Variants in KAZN observed in about 807,000 individuals in gnomAD.
KAZN encodes the protein kazrin, periplakin interacting protein.
Under a neutral mutation model 87.4 loss-of-function variants are expected in KAZN, and 40 were observed. That is an observed-to-expected ratio of 0.46 (90% CI 0.36 to 0.60). The LOEUF (loss-of-function observed/expected upper bound fraction) is 0.60. Among genes scored for constraint, KAZN ranks in the 20% least tolerant of loss-of-function variants. KAZN has a pLI of 0.00. For synonymous variants in KAZN, 466 were observed against 458.3 expected, an observed-to-expected ratio of 1.02 and a Z score of -0.22; for missense variants, 898 against 1,073.9, an observed-to-expected ratio of 0.84 and a Z score of 2.29.
chr1:14,897,073 C>T lies in KAZN; in HGVS notation c.227-63611C>T, dbSNP rs114651291. 6.2e-3 allele frequency among the ~76,000 whole-genome samples: 951 copies of T among 152,312 alleles called. 6 individuals are homozygous for T. The highest frequency in any genetic ancestry group is 0.011 in the Non-Finnish European group (751 of 68,022). On this transcript the variant is annotated intron_variant, in intron 1 of 14. Transcript: ENST00000376030. ...TTGCAGATGTAGGTTGACCTAATCA[C>T]GGCTCTATCTCCTTTCTTGGTGATT...
At chr1:14,725,458 G>A (rs1424595772) in intron 1 of KAZN, among the ~76,000 whole-genome samples, 1 of 92,418 alleles carries the variant, frequency 1.1e-5, no homozygotes, top group Non-Finnish European at 2.5e-5. Context: ...GGGTGGAGCT[G>A]TCTTTTTTTT....
At chr1:14,850,972 A>G (rs182798386) in intron 1 of KAZN, among the ~76,000 whole-genome samples, 82 of 152,308 alleles carry the variant, frequency 5.4e-4, no homozygotes, top group South Asian at 1.2e-3. Context: ...GACAGCACGC[A>G]GTCTTTCTCC....
chr1:14,339,911 G>A (rs1657562741), intron 2 of KAZN, among the ~76,000 whole-genome samples: 1 of 152,140 alleles, frequency 6.6e-6, no homozygotes, highest in Non-Finnish European at 1.5e-5. Flanking sequence ...GGCTTAACTT[G>A]TATATTAACA....
chr1:14,334,653 A>G (rs1657100697), intron 2 of KAZN, among the ~76,000 whole-genome samples: 1 of 152,220 alleles, frequency 6.6e-6, no homozygotes, highest in Non-Finnish European at 1.5e-5. Context: ...GAGCCATGTG[A>G]TGAGGTTGCA....
At chr1:14,936,654 T>C (rs1458016379) in intron 1 of KAZN, among the ~76,000 whole-genome samples, 1 of 152,090 alleles carries the variant, frequency 6.6e-6, no homozygotes, top group Non-Finnish European at 1.5e-5. Context: ...CATAAGTACT[T>C]ACCAGGCCCC....
chr1:14,460,011 C>T (rs1182616952), intron 2 of KAZN, among the ~76,000 whole-genome samples: 1 of 152,138 alleles, frequency 6.6e-6, no homozygotes, highest in African/African-American at 2.4e-5. Flanking sequence ...GCAGAAATAG[C>T]AAATCAGTAT....
At chr1:14,480,381 A>G (rs1669003800) in intron 2 of KAZN, among the ~76,000 whole-genome samples, 1 of 152,140 alleles carries the variant, frequency 6.6e-6, no homozygotes. Flanking sequence ...CAATTTGCTT[A>G]CATTCTAGCA....
chr1:14,333,527 C>T (rs1656997776), intron 2 of KAZN, among the ~76,000 whole-genome samples: 1 of 152,208 alleles, frequency 6.6e-6, no homozygotes, highest in African/African-American at 2.4e-5. Flanking sequence ...TACTATTTGC[C>T]ACACTATTCT....
rs1572899706 is a variant in KAZN, at chr1:14,949,371, C to G, written c.227-11313C>G. Among the ~76,000 whole-genome samples, 1 of 152,202 alleles carries G rather than the reference C, an allele frequency of 6.6e-6. No homozygotes were observed. Among genetic ancestry groups the G allele is most frequent in the East Asian group, 1.9e-4 (1 of 5,164 alleles). ...GGCCCTGAGCAGAGGCCAGCACTTC[C>G]CCATCCCTCCTGCCCAAGCAAATTC... On this transcript the variant is annotated intron_variant, in intron 1 of 14. Coordinates refer to ENST00000376030, the MANE Select transcript of KAZN (RefSeq NM_201628.3). This position sits in a 1 kb window ranked among gnomAD's most constrained non-coding sequence, Gnocchi z 4.3.
At chr1:14,117,884 C>T (rs1198890972) in intron 1 of KAZN, among the ~76,000 whole-genome samples, 1 of 152,010 alleles carries the variant, frequency 6.6e-6, no homozygotes, top group African/African-American at 2.4e-5. Context: ...ATGAGAAGGC[C>T]CAGTCTGGTT....
At chr1:14,681,657 A>ATTT (rs570137678) in intron 1 of KAZN, among the ~76,000 whole-genome samples, 4 of 8,532 alleles carry the variant, frequency 4.7e-4, no homozygotes, top group Admixed American at 2.7e-3. Flanking sequence ...ATATATATAT[A>ATTT]TTTTTTTTTT....
intron 2 of KAZN, among the ~76,000 whole-genome samples, chr1:14,524,179 G>A (rs1344403456): frequency 6.6e-6 from 1 of 151,946 alleles, no homozygotes; most frequent in Non-Finnish European, 1.5e-5. Context: ...GCACCACCAC[G>A]CCTGGGTAAT....
chr1:14,482,573 C>T (rs1405215768), intron 2 of KAZN, among the ~76,000 whole-genome samples: 5 of 152,176 alleles, frequency 3.3e-5, no homozygotes, highest in Non-Finnish European at 7.3e-5. Flanking sequence ...TACATGTAAA[C>T]CCCCTGAGGG....
intron 1 of KAZN, among the ~76,000 whole-genome samples, chr1:14,159,029 C>A (rs1645654515): frequency 6.6e-6 from 1 of 152,072 alleles, no homozygotes; most frequent in Admixed American, 6.6e-5. Context: ...GTGGCCACCA[C>A]CACTAAGATT....
At chr1:14,947,583 G>A (rs1283465557) in intron 1 of KAZN, among the ~76,000 whole-genome samples, 22 of 152,236 alleles carry the variant, frequency 1.4e-4, no homozygotes. Context: ...ACTTAGGGCT[G>A]GGAGCCTATC....
At chr1:14,415,721 G>A (rs1487077594) in intron 2 of KAZN, among the ~76,000 whole-genome samples, 9 of 152,308 alleles carry the variant, frequency 5.9e-5, no homozygotes, top group South Asian at 4.1e-4. Context: ...ATGGCAGCAG[G>A]TGTAGTAGTA....
At chr1:14,345,926 G>C (rs969417476) in intron 2 of KAZN, among the ~76,000 whole-genome samples, 3 of 152,220 alleles carry the variant, frequency 2.0e-5, no homozygotes, top group African/African-American at 7.2e-5. Flanking sequence ...AGGGAAGTTA[G>C]GGTCAGGTGT....
rs1234140715 is a variant in KAZN, at chr1:15,114,595, G to A, written c.2288G>A (p.Arg763His). The A allele has an allele frequency of 5.0e-6, 8 of 1,599,184 alleles. No homozygotes were observed. The highest frequency in any genetic ancestry group is 2.7e-5 in the African/African-American group (2 of 74,650). Reference protein sequence around the residue: ...DDPQSRLEQCRLEGYNSLEVT... With the variant: ...DDPQSRLEQCHLEGYNSLEVT... ...CCCCAGAGCAGGCTGGAACAGTGCC[G>A]TCTGGAAGGCTACAACAGCCTGGAG... The change falls in exon 15 of 15, where the codon CGT (arginine) becomes CAT (histidine). Residue 763 changes from arginine (R) to histidine (H), a missense_variant. Coordinates refer to ENST00000376030, the MANE Select transcript of KAZN (RefSeq NM_201628.3).
intron 2 of KAZN, among the ~76,000 whole-genome samples, chr1:14,403,103 G>C (rs1557693920): frequency 1.3e-5 from 2 of 152,184 alleles, no homozygotes; most frequent in Non-Finnish European, 2.9e-5. Context: ...TCGGATTACA[G>C]GCATGAGCCA....
Sources: gnomAD v4.1 joint callset for allele counts (sites outside exome capture counted in the v4.1 genomes callset) on GRCh38, gnomAD v4.1.1 for gene constraint, Gnocchi (gnomAD v3.1) non-coding constraint, MANE v1.5 for transcripts, NCBI Gene and HGNC (gene_info 2026-07-23, HGNC 2026-07-21) for gene names.